PIK3CA: variants seen among roughly 807,000 people sequenced by gnomAD.
PIK3CA encodes the protein phosphatidylinositol 4,5-bisphosphate 3-kinase catalytic subunit alpha isoform.
Under a neutral mutation model 138.2 loss-of-function variants are expected in PIK3CA, and 27 were observed. The ratio of observed to expected loss-of-function variants is 0.20; its 90% CI spans 0.14 to 0.27. PIK3CA has a LOEUF of 0.27. Ranked by LOEUF, PIK3CA falls within the 10% of genes least tolerant of loss-of-function variation. The pLI is 1.00. For synonymous variants in PIK3CA, 358 were observed against 413.2 expected, an observed-to-expected ratio of 0.87 and a Z score of 1.62; for missense variants, 544 against 1,277.4, an observed-to-expected ratio of 0.43 and a Z score of 8.75.
chr3:179,203,370 G>A lies in PIK3CA; in HGVS notation c.814-174G>A, dbSNP rs7623154. ...TGTTTGATTGATCTTGTGCTTCAAC[G>A]TAAATCCTAAATGTTAGTATTTTAA... On this transcript the variant is annotated intron_variant, in intron 4 of 20. Transcript: ENST00000263967. Among the ~76,000 whole-genome samples the A allele has an allele frequency of 0.24, 36,628 of 152,052 alleles. 5,164 individuals carry two copies. Among genetic ancestry groups the A allele is most frequent in the African/African-American group, 0.39 (16,152 of 41,466 alleles).
chr3:179,207,671 C>T (rs945161233), intron 6 of PIK3CA, among the ~76,000 whole-genome samples: 3 of 151,896 alleles, frequency 2.0e-5, no homozygotes, highest in African/African-American at 7.3e-5. Context: ...AGGCGCCCAC[C>T]ACCACGCCCA....
chr3:179,212,098 C>T (rs538948401), intron 9 of PIK3CA, among the ~76,000 whole-genome samples: 1 of 151,918 alleles, frequency 6.6e-6, no homozygotes, highest in African/African-American at 2.4e-5. Context: ...ACCTCTGCCT[C>T]CCGGGTTCAA....
rs1346545837 is a variant in PIK3CA, at chr3:179,230,438, A to G, written c.2936+62A>G. 4 of 1,351,892 alleles carry G rather than the reference A, an allele frequency of 3.0e-6. No homozygotes were observed. The highest frequency in any genetic ancestry group is 4.1e-6 in the Non-Finnish European group (4 of 982,556). The allele number at this position is 1,351,892 out of a possible 1,614,324, so 83.7% of individuals were successfully genotyped here. On this transcript the variant is annotated intron_variant, in intron 20 of 20. Transcript: ENST00000263967. The surrounding 1 kb of genome is among the most constrained non-coding windows in gnomAD (Gnocchi z 5.4). ...TCTGGCTGCTCTATTAGAAACAATC[A>G]ATATTTTTCAAGCAATTTCAAAATA...
intron 17 of PIK3CA, among the ~76,000 whole-genome samples, chr3:179,227,307 C>T (rs1725106647): frequency 6.6e-6 from 1 of 151,616 alleles, no homozygotes. Context: ...AACCCTGCTT[C>T]TTTTTTTTAA....
chr3:179,200,208 A>G (rs1724377051), intron 3 of PIK3CA, among the ~76,000 whole-genome samples: 1 of 152,044 alleles, frequency 6.6e-6, no homozygotes, highest in Admixed American at 6.5e-5. Flanking sequence ...CTTTTCATAA[A>G]TAAAAACTAT....
At chr3:179,154,188 G>T (rs972398667) in intron 1 of PIK3CA, among the ~76,000 whole-genome samples, 1 of 152,108 alleles carries the variant, frequency 6.6e-6, no homozygotes, top group African/African-American at 2.4e-5. Flanking sequence ...GTATTAGAGA[G>T]CTCTGGTTTA....
intron 6 of PIK3CA, among the ~76,000 whole-genome samples, chr3:179,205,694 A>C (rs1724542209): frequency 6.6e-6 from 1 of 152,168 alleles, no homozygotes; most frequent in Non-Finnish European, 1.5e-5. Context: ...AAGTAGTATA[A>C]TCCAATAGCT....
chr3:179,159,737 G>T (rs1197409920), intron 1 of PIK3CA, among the ~76,000 whole-genome samples: 1 of 152,158 alleles, frequency 6.6e-6, no homozygotes, highest in Non-Finnish European at 1.5e-5. Context: ...ATCATTAGAT[G>T]ATTTCATCAT....
chr3:179,222,744 G>A (rs1187182955), intron 14 of PIK3CA, among the ~76,000 whole-genome samples: 3 of 152,146 alleles, frequency 2.0e-5, no homozygotes, highest in Non-Finnish European at 4.4e-5. Flanking sequence ...ACTAGCCCAG[G>A]AAGAGATAAA....
intron 1 of PIK3CA, among the ~76,000 whole-genome samples, chr3:179,190,419 T>C (rs560911885): frequency 3.3e-4 from 50 of 151,504 alleles, no homozygotes; most frequent in Non-Finnish European, 6.2e-4. Flanking sequence ...GGTACAGTTA[T>C]AGAAATACAT....
chr3:179,220,983 T>C lies in PIK3CA; in HGVS notation c.2016-3T>C, dbSNP rs879254354. On this transcript the variant is annotated splice_region_variant and splice_polypyrimidine_tract_variant and intron_variant, in intron 13 of 20. Coordinates refer to ENST00000263967, the MANE Select transcript of PIK3CA (RefSeq NM_006218.4). This position sits in a 1 kb window ranked among gnomAD's most constrained non-coding sequence, Gnocchi z 4.1. ...TATTTTTAATTTTGCACGATTCTTT[T>C]AGATCTGAGATGCACAATAAAACAG... The C allele has an allele frequency of 8.1e-6, 13 of 1,596,608 alleles. No homozygotes were observed. The highest frequency in any genetic ancestry group is 1.4e-5 in the African/African-American group (1 of 74,022).
chr3:179,212,033 G>A (rs996255775), intron 9 of PIK3CA, among the ~76,000 whole-genome samples: 5 of 151,978 alleles, frequency 3.3e-5, no homozygotes, highest in African/African-American at 9.7e-5. Flanking sequence ...TTGAGATGGC[G>A]TTTTGCTCTT....
chr3:179,156,051 G>GT (rs1006227126), intron 1 of PIK3CA, among the ~76,000 whole-genome samples: 10 of 152,280 alleles, frequency 6.6e-5, no homozygotes, highest in Non-Finnish European at 1.2e-4. Flanking sequence ...TCAGGGAAGA[G>GT]TAAGTAAATC....
Position 179,229,989 on chromosome 3 carries a change from G to A in PIK3CA, c.2667-15G>A, listed in dbSNP as rs2108423900. On this transcript the variant is annotated splice_polypyrimidine_tract_variant and intron_variant, in intron 18 of 20. Transcript: ENST00000263967. ...TATATTTCCATACTACTCATGAGGT[G>A]TTTATTCTTTGTAGATATGATGCAG... 1 of 1,563,388 alleles carries A rather than the reference G, an allele frequency of 6.4e-7. No homozygotes were observed. Among genetic ancestry groups the A allele is most frequent in the South Asian group, 1.1e-5 (1 of 89,352 alleles).
intron 16 of PIK3CA, among the ~76,000 whole-genome samples, chr3:179,225,621 A>G (rs1057488810): frequency 6.6e-6 from 1 of 152,182 alleles, no homozygotes; most frequent in South Asian, 2.1e-4. Context: ...TGGATTTAAG[A>G]ATCAGAATAT....
chr3:179,172,186 A>G (rs1281686065), intron 1 of PIK3CA, among the ~76,000 whole-genome samples: 1 of 152,142 alleles, frequency 6.6e-6, no homozygotes, highest in Non-Finnish European at 1.5e-5. Flanking sequence ...GACAAAATTC[A>G]ATACAAATTA....
chr3:179,236,250 C>T lies in PIK3CA; in HGVS notation c.*1886C>T, dbSNP rs930934618. On this transcript the variant is annotated 3_prime_UTR_variant, in exon 21 of 21. Coordinates refer to ENST00000263967, the MANE Select transcript of PIK3CA (RefSeq NM_006218.4). ...CACTAAAGCATGTATATAATATTGCCAACAAGAAAAGTAAATTTGAAGATT... is the reference window on the plus strand; with the variant it reads ...CACTAAAGCATGTATATAATATTGCTAACAAGAAAAGTAAATTTGAAGATT... The T allele has an allele frequency of 2.5e-5, 5 of 196,778 alleles. No homozygotes were observed. The highest frequency in any genetic ancestry group is 6.9e-5 in the African/African-American group (3 of 43,312). 12.2% of individuals were successfully genotyped at this position (196,778 alleles called of 1,614,324 possible).
rs1725045976 is a variant in PIK3CA, at chr3:179,224,802, C to G, written c.2397C>G (p.Ile799Met). 1.9e-6 allele frequency: 3 copies of G among 1,606,026 alleles called. No homozygotes were observed. The highest frequency in any genetic ancestry group is 1.7e-6 in the Non-Finnish European group (2 of 1,173,752). Residue 799 changes from isoleucine (I) to methionine (M), a missense_variant, in exon 16 of 21, where the codon ATC (isoleucine) becomes ATG (methionine). Physicochemically the swap from Ile to Met is conservative, Grantham distance 10 (BLOSUM62 1). This residue lies in a region of PIK3CA where 72 missense variants were observed against 271.8 expected (regional missense o/e 0.26). Transcript: ENST00000263967. ...MSELLFQNNE[I>M]IFKNGDDLRQ... The stretch of plus-strand genomic sequence containing the variant: ...AGTTACTGTTTCAGAACAATGAGAT[C>G]ATCTTTAAAAATGGGGATGGTAAGG...
intron 6 of PIK3CA, among the ~76,000 whole-genome samples, chr3:179,207,782 A>C (rs2108397598): frequency 6.6e-6 from 1 of 152,292 alleles, no homozygotes; most frequent in East Asian, 1.9e-4. Context: ...GGCCTCCCAA[A>C]GTGCTGGGAT....
Sources: allele counts gnomAD v4.1 joint callset (sites outside exome capture counted in the v4.1 genomes callset), GRCh38; gene constraint gnomAD v4.1.1; regional missense constraint gnomAD v4.1.1; non-coding constraint Gnocchi (gnomAD v3.1); transcripts MANE v1.5; gene names NCBI Gene and HGNC (gene_info 2026-07-23, HGNC 2026-07-21).